TTC39C: variants seen among roughly 807,000 people sequenced by gnomAD.
The protein encoded by TTC39C is tetratricopeptide repeat domain 39C, also known as tetratricopeptide repeat protein 39C.
Under a neutral mutation model 76.3 loss-of-function variants are expected in TTC39C, and 33 were observed. That is an observed-to-expected ratio of 0.43 (90% CI 0.33 to 0.58). The LOEUF is 0.58. TTC39C is among the 20% of genes least tolerant of loss of function. The probability of loss-of-function intolerance (pLI) is 0.04; values close to 1 mark genes in which losing one functional copy is unlikely to be tolerated. For missense variants in TTC39C, 595 were observed against 701.4 expected (o/e 0.85, Z 1.71); for synonymous variants, 254 against 260.6 (o/e 0.97, Z 0.24).
chr18:24,130,259 C>T, intron 11 of TTC39C, 54 bp from the exon 12 acceptor site: 1 of 949,846 alleles, frequency 1.1e-6, no homozygotes. Flanking sequence ...TTATAATAAG[C>T]CTTATGCTAA....
intron 13 of TTC39C, 83 bp downstream of exon 13, chr18:24,132,003 G>A (rs2145834810): frequency 1.5e-6 from 2 of 1,304,268 alleles, no homozygotes; most frequent in South Asian, 2.7e-5. Flanking sequence ...AAGAAAGTTT[G>A]TGCAATGATG....
rs369174004 is a variant in TTC39C, at chr18:24,027,776, C to T, written c.167+12738C>T. Among the ~76,000 whole-genome samples, 100 of 152,058 alleles carry T rather than the reference C, an allele frequency of 6.6e-4. 2 individuals are homozygous for T. In the South Asian group the frequency reaches 0.02, roughly 30 times the overall value. ...AGAAATGAGGTCTTGCTGTGTTGGC[C>T]AGGCAACTCCTGAGCTCAAGCAGTC... On this transcript the variant is annotated intron_variant, in intron 1 of 13. Coordinates refer to ENST00000317571, the MANE Select transcript of TTC39C (RefSeq NM_001135993.2).
At chr18:24,092,145 A>G (rs375814181) in intron 6 of TTC39C, among the ~76,000 whole-genome samples, 2 of 143,920 alleles carry the variant, frequency 1.4e-5, no homozygotes, top group East Asian at 4.1e-4. Context: ...TAGACAACGG[A>G]TCTGAAGAAA....
intron 10 of TTC39C, 116 bp from the exon 11 acceptor site, chr18:24,128,770 G>T: frequency 1.3e-6 from 1 of 762,860 alleles, no homozygotes; most frequent in Non-Finnish European, 2.1e-6. Flanking sequence ...AGCAGTTTTA[G>T]GTTCATATCA....
chr18:24,059,273 G>A (rs1433693513), intron 1 of TTC39C, among the ~76,000 whole-genome samples: 1 of 152,162 alleles, frequency 6.6e-6, no homozygotes, highest in Non-Finnish European at 1.5e-5. Context: ...AGAAAAACTT[G>A]TGTCATGGAG....
chr18:24,128,928 A>G lies in TTC39C; in HGVS notation c.1463A>G (p.Tyr488Cys). 2 of 1,613,668 alleles carry G rather than the reference A, an allele frequency of 1.2e-6. No individual in the cohort carries two copies. The highest frequency in any genetic ancestry group is 1.7e-6 in the Non-Finnish European group (2 of 1,179,822). ...VDDSSVVGLK[Y>C]LLLGAIHKCL... ...GACTCATCTGTTGTTGGATTAAAGT[A>G]TTTGCTTCTTGGTGCCATACACAAA... The change falls in exon 11 of 14, where the codon TAT becomes TGT. Residue 488 changes from tyrosine (Y) to cysteine (C), a missense_variant. Tyr to Cys is a radical substitution (Grantham distance 194, BLOSUM62 -2). Coordinates refer to ENST00000317571, the MANE Select transcript of TTC39C (RefSeq NM_001135993.2).
chr18:24,001,992 A>AT (rs543963303), intron 1 of TTC39C, among the ~76,000 whole-genome samples: 99 of 151,652 alleles, frequency 6.5e-4, no homozygotes, highest in African/African-American at 2.2e-3. Context: ...CGCCCGGCTA[A>AT]TTTTTTTTGT....
chr18:24,030,889 G>T (rs980900777), intron 1 of TTC39C, among the ~76,000 whole-genome samples: 29 of 151,972 alleles, frequency 1.9e-4, no homozygotes, highest in African/African-American at 7.0e-4. Context: ...CAGGCGATCT[G>T]CCTGCCTCGG....
At chr18:24,099,005 ATG>A (rs71373362) in intron 6 of TTC39C, among the ~76,000 whole-genome samples, 139 of 130,708 alleles carry the variant, frequency 1.1e-3, no homozygotes, top group Admixed American at 4.4e-3. Flanking sequence ...AGTTAGAGGA[ATG>A]TGTGTGTGTG....
intron 1 of TTC39C, among the ~76,000 whole-genome samples, chr18:24,031,016 G>A (rs960694790): frequency 2.0e-5 from 3 of 151,606 alleles, no homozygotes; most frequent in African/African-American, 4.8e-5. Flanking sequence ...GTGCGATCTC[G>A]GCAACTTGCA....
At chr18:24,040,040 G>T (rs1024918378) in intron 1 of TTC39C, among the ~76,000 whole-genome samples, 9 of 152,222 alleles carry the variant, frequency 5.9e-5, no homozygotes, top group African/African-American at 2.4e-5. Context: ...TCTTGGGAAA[G>T]AAATGTATGT....
chr18:24,111,072 C>A (rs963676021), intron 6 of TTC39C, among the ~76,000 whole-genome samples: 3 of 151,646 alleles, frequency 2.0e-5, no homozygotes, highest in Non-Finnish European at 4.4e-5. Context: ...CTCACTGCAA[C>A]CTCCACCTCT....
At chr18:24,019,803 T>C (rs2083497020) in intron 1 of TTC39C, 5 of 1,375,046 alleles carry the variant, frequency 3.6e-6, no homozygotes, top group Non-Finnish European at 4.9e-6. Context: ...AAATGAGTAG[T>C]GTCAGAGACC....
At chr18:24,054,541 C>T (rs1297244600) in intron 1 of TTC39C, among the ~76,000 whole-genome samples, 4 of 152,142 alleles carry the variant, frequency 2.6e-5, no homozygotes, top group East Asian at 1.9e-4. Context: ...GAAGAAGACC[C>T]CCTTGATCTT....
chr18:24,015,932 C>G lies in TTC39C; in HGVS notation c.167+894C>G, dbSNP rs372893596. Among the ~76,000 whole-genome samples the G allele has an allele frequency of 2.1e-4, 32 of 152,224 alleles. No homozygotes were observed. In the East Asian group the frequency reaches 5.4e-3, roughly 26 times the overall value. On this transcript the variant is annotated intron_variant, in intron 1 of 13. Transcript: ENST00000317571. Reference sequence around the variant, plus strand: ...TTGTGATTTGCCGTCTGATTGTTGACGAGCCTTAAGGACGTTGATTAGCAG... The same window carrying G: ...TTGTGATTTGCCGTCTGATTGTTGAGGAGCCTTAAGGACGTTGATTAGCAG...
intron 1 of TTC39C, among the ~76,000 whole-genome samples, chr18:24,004,518 C>T (rs772993965): frequency 2.3e-4 from 35 of 152,182 alleles, no homozygotes; most frequent in Non-Finnish European, 3.8e-4. Flanking sequence ...CATCCTCCTT[C>T]CATCCTTAGT....
chr18:24,069,391 T>A lies in TTC39C; in HGVS notation c.460+120T>A, dbSNP rs542203401. 7.5e-5 allele frequency: 58 copies of A among 775,412 alleles called. No individual in the cohort carries two copies. In the East Asian group the frequency reaches 1.5e-3, roughly 20 times the overall value. 48.0% of individuals were successfully genotyped at this position (775,412 alleles called of 1,614,324 possible). ...ACACATGTGGCACCTCTTTGGGGCA[T>A]GATACTGATTTATTACTGGGGAAAT... On this transcript the variant is annotated intron_variant, in intron 4 of 13. Transcript: ENST00000317571.
chr18:24,087,428 C>G (rs551916469), intron 6 of TTC39C, among the ~76,000 whole-genome samples: 1 of 152,162 alleles, frequency 6.6e-6, no homozygotes, highest in Non-Finnish European at 1.5e-5. Flanking sequence ...TACTTTCACA[C>G]ACATACCTTA....
intron 1 of TTC39C, among the ~76,000 whole-genome samples, chr18:23,997,715 A>AAAGAAAGAAAGAAAGG (rs1568398854): frequency 1.3e-5 from 2 of 150,728 alleles, no homozygotes; most frequent in African/African-American, 4.9e-5. Flanking sequence ...AGAAAGAAAG[A>AAAGAAAGAAAGAAAGG]AAGAAAGAAA....
Sources: gnomAD v4.1 joint callset for allele counts (sites outside exome capture counted in the v4.1 genomes callset) on GRCh38, gnomAD v4.1.1 for gene constraint, MANE v1.5 for transcripts, NCBI Gene and HGNC (gene_info 2026-07-23, HGNC 2026-07-21) for gene names.